PHF3: variants seen among roughly 807,000 people sequenced by gnomAD.
PHF3 encodes the protein PHD finger protein 3.
A neutral mutation model predicts 178.4 loss-of-function variants in PHF3; 41 were observed. That is an observed-to-expected ratio of 0.23 (90% CI 0.18 to 0.30). PHF3 has a LOEUF of 0.30. Ranked by LOEUF, PHF3 falls within the 10% of genes least tolerant of loss-of-function variation. The pLI is 1.00. For missense variants in PHF3, 2,346 were observed against 2,398.1 expected, an observed-to-expected ratio of 0.98 and a Z score of 0.45; for synonymous variants, 842 against 800.5, an observed-to-expected ratio of 1.05 and a Z score of -0.88.
At chr6:63,694,803 T>TTA in intron 6 of PHF3, 39 bp downstream of exon 6, 1 of 1,099,828 alleles carries the variant, frequency 9.1e-7, no homozygotes, top group Non-Finnish European at 1.2e-6. Flanking sequence ...ACTAATATAT[T>TTA]TATATCTTAT....
Position 63,685,622 on chromosome 6 carries a change from G to T in PHF3, c.1900G>T (p.Ala634Ser). ...ACAGTGTCATAAGCCTCAGCAACAGGCCCCAGCAATGAAAACCAATAGTCA... is the reference window on the plus strand; with the variant it reads ...ACAGTGTCATAAGCCTCAGCAACAGTCCCCAGCAATGAAAACCAATAGTCA... ...QKQCHKPQQQ[A>S]PAMKTNSHVK... is the part of the protein sequence containing the mutation. Residue 634 changes from alanine to serine, a missense_variant, in exon 4 of 16, where the codon GCC becomes TCC. Transcript: ENST00000262043. 1 of 1,614,016 alleles carries T rather than the reference G, an allele frequency of 6.2e-7. No homozygotes were observed. Among genetic ancestry groups the T allele is most frequent in the Non-Finnish European group, 8.5e-7 (1 of 1,180,018 alleles).
intron 2 of PHF3, among the ~76,000 whole-genome samples, chr6:63,671,861 C>T (rs1765931131): frequency 6.6e-6 from 1 of 152,224 alleles, no homozygotes; most frequent in South Asian, 2.1e-4. Context: ...ATTCTCCTGC[C>T]TCAGCCTCCC....
intron 2 of PHF3, among the ~76,000 whole-genome samples, chr6:63,664,696 G>A (rs1320143286): frequency 1.3e-5 from 2 of 151,958 alleles, no homozygotes; most frequent in South Asian, 2.1e-4. Context: ...GATTGCACAT[G>A]CTTAATTAGT....
intron 4 of PHF3, among the ~76,000 whole-genome samples, chr6:63,691,310 C>T (rs1256615758): frequency 6.6e-6 from 1 of 152,090 alleles, no homozygotes; most frequent in Non-Finnish European, 1.5e-5. Flanking sequence ...TATGTGATGT[C>T]ACGTCTGTGG....
chr6:63,699,126 C>T (rs1381311673), intron 8 of PHF3, among the ~76,000 whole-genome samples: 1 of 151,986 alleles, frequency 6.6e-6, no homozygotes, highest in East Asian at 1.9e-4. Flanking sequence ...AATTAAACCC[C>T]TAATTTTTTC....
intron 2 of PHF3, among the ~76,000 whole-genome samples, chr6:63,666,294 A>G (rs78933504): frequency 0.012 from 1,819 of 152,198 alleles, 30 homozygotes; most frequent in African/African-American, 0.042. Flanking sequence ...ATCAGGGAAC[A>G]CCTAATGAAA....
At chr6:63,688,579 C>G (rs113411536) in intron 4 of PHF3, among the ~76,000 whole-genome samples, 11,779 of 151,596 alleles carry the variant, frequency 0.078, 513 homozygotes, top group East Asian at 0.16. Context: ...AGGTGATCCG[C>G]CCGCCTCAGC....
rs1295034102 is a variant in PHF3, at chr6:63,721,138, T to C, written c.*7430T>C. The C allele has an allele frequency of 1.3e-5, 20 of 1,551,408 alleles. No individual in the cohort carries two copies. The Admixed American group carries it at 3.7e-4, about 29-fold the overall frequency. On this transcript the variant is annotated 3_prime_UTR_variant, in exon 16 of 16. Transcript: ENST00000262043. ...CTATAATTTGGATCAATGTATTTAA[T>C]GTAAGAATTACCCATAAATTTTGCA...
At chr6:63,655,370 C>G (rs887527910) in intron 2 of PHF3, among the ~76,000 whole-genome samples, 4 of 152,068 alleles carry the variant, frequency 2.6e-5, no homozygotes, top group Non-Finnish European at 5.9e-5. Flanking sequence ...AGCCACCATG[C>G]CCGGCCTGTT....
At position 63,712,089 on chromosome 6, in the gene PHF3, G is replaced by A; in HGVS notation, c.4501G>A (p.Glu1501Lys). 6.2e-7 allele frequency: 1 copy of A among 1,613,640 alleles called. No individual in the cohort carries two copies. The highest frequency in any genetic ancestry group is 1.1e-5 in the South Asian group (1 of 91,058). Residue 1501 changes from glutamate (E) to lysine (K), a missense_variant, in exon 16 of 16, where the codon GAG becomes AAG. Glu to Lys is a moderately conservative substitution (Grantham distance 56). Transcript: ENST00000262043. Reference sequence around the variant, plus strand: ...TGTTAAAGAAATTCCATTTTTAAATGAGCAGACCAACTCAAAAATAGAGAA... The same window carrying A: ...TGTTAAAGAAATTCCATTTTTAAATAAGCAGACCAACTCAAAAATAGAGAA... ...NTVKEIPFLN[E>K]QTNSKIEKTD...
intron 2 of PHF3, among the ~76,000 whole-genome samples, chr6:63,662,543 T>A (rs1765512596): frequency 6.6e-6 from 1 of 152,224 alleles, no homozygotes; most frequent in African/African-American, 2.4e-5. Context: ...CTTCTCCCCT[T>A]GTACTCTTTT....
Position 63,682,162 on chromosome 6 carries a change from C to T in PHF3, c.407-1967C>T, listed in dbSNP as rs550576252. Among the ~76,000 whole-genome samples, 13 of 152,164 alleles carry T rather than the reference C, an allele frequency of 8.5e-5. No individual in the cohort carries two copies. In the South Asian group the frequency reaches 2.5e-3, roughly 29 times the overall value. On this transcript the variant is annotated intron_variant, in intron 3 of 15. Coordinates refer to ENST00000262043, the MANE Select transcript of PHF3 (RefSeq NM_001370348.2). The stretch of plus-strand genomic sequence containing the variant: ...CCAGAGAATAAGCTACGAGTTTTGG[C>T]TCAGGACTAGGGAAGGGCAGTTGCC...
rs767958657 is a variant in PHF3, at chr6:63,685,908, A to G, written c.2186A>G (p.Asn729Ser). The stretch of plus-strand genomic sequence containing the variant: ...GGGTTTTGCAAAAAACCACATGGCA[A>G]CAGGTGTGTGTGTATGTGTGTATGA... The part of the protein sequence containing the change: ...QCGFCKKPHG[N>S]RFMVGCGRCD... The change falls in exon 4 of 16, where the codon AAC becomes AGC. Residue 729 changes from asparagine to serine, a missense_variant. By Grantham distance (46) the Asn-to-Ser change is conservative. This residue lies in a region of PHF3 where 72 missense variants were observed against 110.5 expected (regional missense o/e 0.65). Coordinates refer to ENST00000262043, the MANE Select transcript of PHF3 (RefSeq NM_001370348.2). 22 of 1,609,618 alleles carry G rather than the reference A, an allele frequency of 1.4e-5. No individual in the cohort carries two copies. In the South Asian group the frequency reaches 1.7e-4, roughly 12 times the overall value.
intron 5 of PHF3, 127 bp from the exon 6 acceptor site, chr6:63,694,454 C>T: frequency 3.2e-6 from 2 of 627,214 alleles, no homozygotes; most frequent in Non-Finnish European, 5.2e-6. Context: ...AAAATAGGTG[C>T]AGAATAGATT....
At position 63,721,545 on chromosome 6, in the gene PHF3, AAAG is replaced by A. The variant is rs1768391034; in HGVS notation, c.*7842_*7844del. The A allele has an allele frequency of 1.3e-6, 2 of 1,551,758 alleles. No homozygotes were observed. Among genetic ancestry groups the A allele is most frequent in the Admixed American group, 2.0e-5 (1 of 50,976 alleles). Reference sequence around the variant, plus strand: ...TATTGCCATGGGATTTACAAGATTTAAAGAAGATACTCCTCCAATATAGAAGTC... The same window carrying A: ...TATTGCCATGGGATTTACAAGATTTAAAGATACTCCTCCAATATAGAAGTC... On this transcript the variant is annotated 3_prime_UTR_variant, in exon 16 of 16. Coordinates refer to ENST00000262043, the MANE Select transcript of PHF3 (RefSeq NM_001370348.2).
In PHF3 at chr6:63,685,026, T is replaced by C. The variant is rs1561964590; in HGVS notation, c.1304T>C (p.Ile435Thr). The C allele has an allele frequency of 2.5e-6, 4 of 1,614,080 alleles. No individual in the cohort carries two copies. In the South Asian group the frequency reaches 4.4e-5, roughly 18 times the overall value. The change falls in exon 4 of 16, where the codon ATC (isoleucine) becomes ACC (threonine). Residue 435 changes from isoleucine to threonine, a missense_variant. This residue lies in a region of PHF3 where 843 missense variants were observed against 795.2 expected (regional missense o/e 1.06). Transcript: ENST00000262043. Reference protein sequence around the residue: ...DTSTFGPESNILENAICDVPD... With the variant: ...DTSTFGPESNTLENAICDVPD... The stretch of plus-strand genomic sequence containing the variant: ...AGTACTTTTGGACCGGAAAGTAATA[T>C]CTTGGAAAATGCTATTTGTGATGTG...
At position 63,712,480 on chromosome 6, in the gene PHF3, G is replaced by A; in HGVS notation, c.4892G>A (p.Cys1631Tyr). 4 of 1,613,946 alleles carry A rather than the reference G, an allele frequency of 2.5e-6. No homozygotes were observed. The highest frequency in any genetic ancestry group is 1.7e-6 in the Non-Finnish European group (2 of 1,179,924). Residue 1631 changes from cysteine (C) to tyrosine (Y), a missense_variant, in exon 16 of 16, where the codon TGT (cysteine) becomes TAT (tyrosine). Coordinates refer to ENST00000262043, the MANE Select transcript of PHF3 (RefSeq NM_001370348.2). ...GKGNIDGNVS[C>Y]SENLVANTAR... ...GGAAACATAGATGGTAATGTGAGCTGTAGTGAAAACCTTGTTGCTAATACA... is the reference window on the plus strand; with the variant it reads ...GGAAACATAGATGGTAATGTGAGCTATAGTGAAAACCTTGTTGCTAATACA...
Position 63,712,511 on chromosome 6 carries a change from G to T in PHF3, c.4923G>T (p.Arg1641Ser). The change falls in exon 16 of 16, where the codon AGG becomes AGT. Residue 1641 changes from arginine to serine, a missense_variant. By Grantham distance (110) the Arg-to-Ser change is moderately radical. Transcript: ENST00000262043. ...AAAACCTTGTTGCTAATACAGCGAG[G>T]TCTCCACAGTTTATCAACCTGAAAA... is the stretch of plus-strand genomic sequence containing the variant. ...CSENLVANTA[R>S]SPQFINLKRD... 1.2e-6 allele frequency: 2 copies of T among 1,613,806 alleles called. No individual in the cohort carries two copies. Among genetic ancestry groups the T allele is most frequent in the Non-Finnish European group, 1.7e-6 (2 of 1,179,900 alleles).
chr6:63,711,410 G>T, intron 15 of PHF3, 48 bp downstream of exon 15: 1 of 1,480,888 alleles, frequency 6.8e-7, no homozygotes, highest in South Asian at 1.3e-5. Flanking sequence ...AACATGGGAG[G>T]TGGGACCAGA....
Sources: allele counts gnomAD v4.1 joint callset (sites outside exome capture counted in the v4.1 genomes callset), GRCh38; gene constraint gnomAD v4.1.1; regional missense constraint gnomAD v4.1.1; transcripts MANE v1.5; gene names NCBI Gene and HGNC (gene_info 2026-07-23, HGNC 2026-07-21).